The following TRAPPC10 variants were observed in gnomAD, a reference collection of about 807,000 sequenced individuals.
The protein encoded by TRAPPC10 is trafficking protein particle complex subunit 10, also known as TRAPP 130 kDa subunit.
A neutral mutation model predicts 125.5 loss-of-function variants in TRAPPC10; 23 were observed. The ratio of observed to expected loss-of-function variants is 0.18; its 90% confidence interval spans 0.13 to 0.26. The LOEUF is 0.26. Ranked by LOEUF, TRAPPC10 falls within the 10% of genes least tolerant of loss-of-function variation. The pLI, the probability that TRAPPC10 is intolerant of heterozygous loss-of-function variation, is 1.00. For synonymous variants in TRAPPC10, 509 were observed against 518.0 expected (o/e 0.98, Z 0.24); for missense variants, 1,123 against 1,308.4 (o/e 0.86, Z 2.19).
chr21:44,013,715 C>T (rs150058275), intron 1 of TRAPPC10, among the ~76,000 whole-genome samples: 18 of 152,026 alleles, frequency 1.2e-4, no homozygotes, highest in Non-Finnish European at 1.3e-4. Context: ...GTCTCTTCTC[C>T]TCTCCTCCTC....
intron 1 of TRAPPC10, among the ~76,000 whole-genome samples, chr21:44,015,495 G>A (rs1279553738): frequency 1.3e-5 from 2 of 152,120 alleles, no homozygotes; most frequent in African/African-American, 4.8e-5. Context: ...ATAGCCGACT[G>A]CAGCCTTGCT....
chr21:44,069,642 C>T (rs143683254), intron 7 of TRAPPC10, among the ~76,000 whole-genome samples: 1,608 of 152,202 alleles, frequency 0.011, 30 homozygotes, highest in African/African-American at 0.037. Context: ...AGCACATCCA[C>T]CCCTGGTGTG....
Position 44,063,933 on chromosome 21 carries a change from A to G in TRAPPC10, c.1038+148A>G. 1 of 1,195,574 alleles carries G rather than the reference A, an allele frequency of 8.4e-7. No individual in the cohort carries two copies. The highest frequency in any genetic ancestry group is 1.2e-6 in the Non-Finnish European group (1 of 868,524). The allele number at this position is 1,195,574 out of a possible 1,614,324, so 74.1% of individuals were successfully genotyped here. A position where few individuals can be genotyped will look rare whatever the true frequency, so the allele number is the denominator to read the frequency against. ...TTAATTTTCAGTATATTGTTTGCTT[A>G]GTTACTTTTTACGTTGATAAATTGC... On this transcript the variant is annotated intron_variant, in intron 7 of 22. Coordinates refer to ENST00000291574, the MANE Select transcript of TRAPPC10 (RefSeq NM_003274.5). The surrounding 1 kb of genome is among the most constrained non-coding windows in gnomAD (Gnocchi z 4.4).
intron 17 of TRAPPC10, chr21:44,088,655 G>C (rs1475735669): frequency 6.4e-6 from 1 of 155,746 alleles, no homozygotes; most frequent in Non-Finnish European, 1.4e-5. Flanking sequence ...AACTCACACA[G>C]ACGTTCACCA....
chr21:44,062,752 G>A (rs1445258799), intron 6 of TRAPPC10: 2 of 985,320 alleles, frequency 2.0e-6, no homozygotes, highest in Non-Finnish European at 2.4e-6. Flanking sequence ...ACCACTATGC[G>A]CTCCCCGGGT....
intron 2 of TRAPPC10, among the ~76,000 whole-genome samples, chr21:44,035,221 G>A (rs1002441285): frequency 1.2e-4 from 19 of 152,124 alleles, no homozygotes; most frequent in African/African-American, 4.3e-4. Context: ...GCTCTCTTTG[G>A]CTCTCTGGCT....
intron 3 of TRAPPC10, among the ~76,000 whole-genome samples, chr21:44,047,681 C>T (rs1016620106): frequency 6.6e-6 from 1 of 152,176 alleles, no homozygotes. Context: ...GCTCTGTCTT[C>T]GTGTTAACCT....
At position 44,086,903 on chromosome 21, in the gene TRAPPC10, G is replaced by A. The variant is rs2038173557; in HGVS notation, c.2482G>A (p.Ala828Thr). The change falls in exon 16 of 23, where the codon GCC becomes ACC. Residue 828 changes from alanine (A) to threonine (T), a missense_variant. Ala to Thr is a moderately conservative substitution (Grantham distance 58, BLOSUM62 0). Coordinates refer to ENST00000291574, the MANE Select transcript of TRAPPC10 (RefSeq NM_003274.5). ...GDSLQLSNAE[A>T]MLILCQAESR... is the part of the protein sequence containing the mutation. Reference sequence around the variant, plus strand: ...CAGCCTGCAGCTTAGCAATGCCGAAGCCATGCTCATCCTGTGCCAGGCGGA... The same window carrying A: ...CAGCCTGCAGCTTAGCAATGCCGAAACCATGCTCATCCTGTGCCAGGCGGA... 8 of 1,614,210 alleles carry A rather than the reference G, an allele frequency of 5.0e-6. No homozygotes were observed. The highest frequency in any genetic ancestry group is 5.9e-6 in the Non-Finnish European group (7 of 1,180,048).
At chr21:44,047,147 T>A (rs919324584) in intron 3 of TRAPPC10, 2 of 470,662 alleles carry the variant, frequency 4.2e-6, no homozygotes, top group Non-Finnish European at 8.0e-6. Flanking sequence ...TTCAAACTGC[T>A]TGGGGTTTAT....
intron 7 of TRAPPC10, among the ~76,000 whole-genome samples, chr21:44,065,140 A>G (rs1008584253): frequency 2.0e-5 from 3 of 152,202 alleles, no homozygotes; most frequent in Non-Finnish European, 4.4e-5. Flanking sequence ...TGATTCAGAC[A>G]TGATGTCTTC....
At chr21:44,012,767 C>G (rs2031283738) in intron 1 of TRAPPC10, among the ~76,000 whole-genome samples, 1 of 151,986 alleles carries the variant, frequency 6.6e-6, no homozygotes, top group African/African-American at 2.4e-5. Flanking sequence ...ACCTCTGACC[C>G]CTGGGGGGCG....
At chr21:44,075,224 C>A in intron 9 of TRAPPC10, 71 bp downstream of exon 9, 1 of 1,149,606 alleles carries the variant, frequency 8.7e-7, no homozygotes, top group Non-Finnish European at 1.3e-6. Context: ...CAAGTTGGCA[C>A]ATTTAACCGA....
intron 1 of TRAPPC10, 82 bp downstream of exon 1, chr21:44,012,642 CT>C (rs1403890086): frequency 2.4e-6 from 3 of 1,273,416 alleles, no homozygotes; most frequent in African/African-American, 3.1e-5. Flanking sequence ...GCCCCCAGAC[CT>C]TCAGCCCCCG....
Position 44,063,184 on chromosome 21 carries a change from C to G in TRAPPC10, c.791-354C>G. Reference sequence around the variant, plus strand: ...CAGCCCACAGGTAAAGATAAGGAAGCCCAGCCCCGCTGCAGCCTAAGACTA... The same window carrying G: ...CAGCCCACAGGTAAAGATAAGGAAGGCCAGCCCCGCTGCAGCCTAAGACTA... On this transcript the variant is annotated intron_variant, in intron 6 of 22. Transcript: ENST00000291574. This position sits in a 1 kb window ranked among gnomAD's most constrained non-coding sequence, Gnocchi z 4.4. 2 of 1,287,614 alleles carry G rather than the reference C, an allele frequency of 1.6e-6. No individual in the cohort carries two copies. Among genetic ancestry groups the G allele is most frequent in the Non-Finnish European group, 1.0e-6 (1 of 988,614 alleles). The allele number at this position is 1,287,614 out of a possible 1,614,324, so 79.8% of individuals were successfully genotyped here. A position where few individuals can be genotyped will look rare whatever the true frequency, so the allele number is the denominator to read the frequency against.
intron 6 of TRAPPC10, among the ~76,000 whole-genome samples, chr21:44,061,546 C>T (rs1248821337): frequency 1.3e-5 from 2 of 152,284 alleles, no homozygotes; most frequent in Middle Eastern, 3.4e-3. Flanking sequence ...GGATTACAGG[C>T]GTGAGCCACC....
At position 44,083,263 on chromosome 21, in the gene TRAPPC10, C is replaced by T. The variant is rs1429478305; in HGVS notation, c.2199C>T (p.Thr733=). The T allele has an allele frequency of 7.4e-6, 12 of 1,613,998 alleles. No homozygotes were observed. In the South Asian group the frequency reaches 1.2e-4, roughly 16 times the overall value. The change falls in exon 14 of 23, where the codon ACC becomes ACT. Residue 733 remains threonine, a synonymous_variant. Transcript: ENST00000291574. ...GAHVLRCSHV[T]LEPGANQITF... ...ACGTGCTGAGGTGCAGCCACGTGAC[C>T]CTGGAACCAGGGGCCAACCAGATAA... is the stretch of plus-strand genomic sequence containing the variant.
intron 1 of TRAPPC10, among the ~76,000 whole-genome samples, chr21:44,019,786 T>TTA (rs1265885619): frequency 6.6e-5 from 10 of 152,228 alleles, no homozygotes; most frequent in African/African-American, 2.4e-4. Flanking sequence ...ACTGTCTGTG[T>TTA]TAGCTACCAA....
intron 7 of TRAPPC10, among the ~76,000 whole-genome samples, chr21:44,073,627 T>C (rs2037047729): frequency 6.6e-6 from 1 of 152,182 alleles, no homozygotes; most frequent in African/African-American, 2.4e-5. Context: ...GTAGGCGCGG[T>C]ACCTGGCCAG....
intron 19 of TRAPPC10, 139 bp downstream of exon 19, chr21:44,092,188 C>G (rs962398928): frequency 6.5e-6 from 7 of 1,083,530 alleles, no homozygotes; most frequent in Non-Finnish European, 9.0e-6. Context: ...TGCAGCTCCT[C>G]CGGCTGCCCT....
Sources: gnomAD v4.1 joint callset for allele counts (sites outside exome capture counted in the v4.1 genomes callset) on GRCh38, gnomAD v4.1.1 for gene constraint, Gnocchi (gnomAD v3.1) non-coding constraint, MANE v1.5 for transcripts, NCBI Gene and HGNC (gene_info 2026-07-23, HGNC 2026-07-21) for gene names.